NUP210L: variants seen among roughly 807,000 people sequenced by gnomAD.
NUP210L encodes nucleoporin 210 like.
Under a neutral mutation model 208.5 loss-of-function variants are expected in NUP210L, and 74 were observed. The observed-to-expected ratio is 0.35, with a 90% confidence interval of 0.29 to 0.43. The LOEUF (loss-of-function observed/expected upper bound fraction) is 0.43. Ranked by LOEUF, NUP210L falls within the 20% of genes least tolerant of loss-of-function variation. NUP210L has a pLI of 1.00. For missense variants in NUP210L, 1,843 were observed against 2,289.4 expected (o/e 0.81, Z 3.98); for synonymous variants, 780 against 816.9 (o/e 0.95, Z 0.77).
At chr1:154,089,717 G>A (rs748071595) in intron 15 of NUP210L, 123 bp from the exon 16 acceptor site, 18 of 736,664 alleles carry the variant, frequency 2.4e-5, no homozygotes, top group South Asian at 5.3e-5. Context: ...ATTATAATCC[G>A]GCAAATCCCT....
intron 3 of NUP210L, 75 bp downstream of exon 3, chr1:154,143,371 T>C: frequency 7.2e-7 from 1 of 1,380,652 alleles, no homozygotes; most frequent in Non-Finnish European, 1.0e-6. Flanking sequence ...CTCAAGTTTT[T>C]GTTTCCAAGT....
At chr1:154,042,104 C>CT (rs1316772415) in intron 27 of NUP210L, among the ~76,000 whole-genome samples, 60 of 147,196 alleles carry the variant, frequency 4.1e-4, no homozygotes, top group African/African-American at 6.7e-4. Context: ...CTCTCTCTCT[C>CT]TTTTTTTTTT....
intron 16 of NUP210L, among the ~76,000 whole-genome samples, chr1:154,082,848 G>C (rs1054168212): frequency 3.3e-5 from 5 of 151,982 alleles, no homozygotes; most frequent in African/African-American, 1.2e-4. Context: ...GTCTGGACTT[G>C]GTCATTCCTC....
intron 1 of NUP210L, among the ~76,000 whole-genome samples, chr1:154,153,435 G>A (rs546273404): frequency 9.2e-5 from 14 of 152,166 alleles, no homozygotes; most frequent in African/African-American, 1.9e-4. Context: ...TCAGCCTCTC[G>A]AGTAGCTGAG....
chr1:154,020,406 A>G (rs1651485911), intron 32 of NUP210L, among the ~76,000 whole-genome samples: 1 of 152,202 alleles, frequency 6.6e-6, no homozygotes, highest in Admixed American at 6.5e-5. Flanking sequence ...GCTGGAGTGC[A>G]GTAGTGCGAT....
In NUP210L at chr1:154,114,782, G is replaced by C. The variant is rs866622808; in HGVS notation, c.1620+2943C>G. 3.7e-3 allele frequency among the ~76,000 whole-genome samples: 563 copies of C among 150,946 alleles called. 4 individuals carry two copies. Among genetic ancestry groups the C allele is most frequent in the Admixed American group, 7.3e-3 (110 of 15,070 alleles). ...GTTAATTTTTTTTTTAAGAGATGGGGGGGGGGGTCTTGCTTTGTTGTCCAG... is the reference window on the plus strand; with the variant it reads ...GTTAATTTTTTTTTTAAGAGATGGGCGGGGGGGTCTTGCTTTGTTGTCCAG... On this transcript the variant is annotated intron_variant, in intron 12 of 39. Coordinates refer to ENST00000368559, the Ensembl canonical transcript of NUP210L.
chr1:154,124,119 G>A (rs559384114), intron 10 of NUP210L, among the ~76,000 whole-genome samples: 14 of 151,130 alleles, frequency 9.3e-5, no homozygotes, highest in East Asian at 7.8e-4. Context: ...CACAGGAGGC[G>A]GAGGTTGCAG....
intron 2 of NUP210L, among the ~76,000 whole-genome samples, chr1:154,150,681 TCG>T (rs60384450): frequency 0.4 from 56,533 of 139,858 alleles, 11,949 homozygotes; most frequent in Non-Finnish European, 0.49. Flanking sequence ...CGAGCCAAGA[TCG>T]CGCCATTGCA....
intron 37 of NUP210L, among the ~76,000 whole-genome samples, chr1:153,998,962 A>C (rs1473467427): frequency 6.6e-6 from 1 of 151,934 alleles, no homozygotes; most frequent in East Asian, 1.9e-4. Flanking sequence ...GTGATCCTCC[A>C]TCTTAGCCTC....
At chr1:154,010,734 G>A (rs891597108) in intron 34 of NUP210L, among the ~76,000 whole-genome samples, 1 of 151,932 alleles carries the variant, frequency 6.6e-6, no homozygotes, top group Non-Finnish European at 1.5e-5. Flanking sequence ...GCTGGGGGTG[G>A]TGGCTCATGC....
At chr1:154,138,026 T>G in intron 6 of NUP210L, 80 bp downstream of exon 6, 1 of 977,460 alleles carries the variant, frequency 1.0e-6, no homozygotes, top group Non-Finnish European at 1.4e-6. Context: ...ATTTTTCATA[T>G]GTAATGTGGA....
At chr1:154,025,740 G>T (rs202028168) in intron 29 of NUP210L, 24 bp from the exon 30 acceptor site, 3 of 1,602,788 alleles carry the variant, frequency 1.9e-6, no homozygotes, top group Non-Finnish European at 2.6e-6. Flanking sequence ...AAAGGAAGTG[G>T]CATCTTTTTG....
chr1:154,101,155 A>T (rs1362774502), intron 13 of NUP210L, among the ~76,000 whole-genome samples: 2 of 133,302 alleles, frequency 1.5e-5, no homozygotes, highest in African/African-American at 2.9e-5. Flanking sequence ...CTGAGCAACA[A>T]GAGTGAAACT....
chr1:154,074,750 A>G (rs1444890222), intron 16 of NUP210L, among the ~76,000 whole-genome samples: 1 of 152,080 alleles, frequency 6.6e-6, no homozygotes, highest in Non-Finnish European at 1.5e-5. Flanking sequence ...CGGCCTCCCA[A>G]AGTTCTGGGA....
At chr1:153,998,393 A>G (rs1650020788) in intron 37 of NUP210L, among the ~76,000 whole-genome samples, 1 of 151,910 alleles carries the variant, frequency 6.6e-6, no homozygotes, top group African/African-American at 2.4e-5. Flanking sequence ...TGCCTCTACT[A>G]AAAATACAAA....
chr1:154,103,645 C>G (rs1656590060), intron 13 of NUP210L, among the ~76,000 whole-genome samples: 1 of 135,352 alleles, frequency 7.4e-6, no homozygotes, highest in Non-Finnish European at 1.5e-5. Context: ...GCACTCCAGC[C>G]TGGGCGACAG....
At chr1:153,999,712 G>C (rs1650095288) in intron 37 of NUP210L, among the ~76,000 whole-genome samples, 1 of 136,456 alleles carries the variant, frequency 7.3e-6, no homozygotes, top group South Asian at 2.4e-4. Context: ...ACTCCAGCCT[G>C]GGTGACAGAG....
At chr1:154,068,656 G>A (rs547156194) in intron 17 of NUP210L, among the ~76,000 whole-genome samples, 28 of 152,194 alleles carry the variant, frequency 1.8e-4, no homozygotes, top group Non-Finnish European at 3.5e-4. Flanking sequence ...CTCCAGCCTG[G>A]GTGACAGAGC....
intron 15 of NUP210L, 62 bp from the exon 16 acceptor site, chr1:154,089,656 A>G: frequency 2.3e-6 from 3 of 1,330,194 alleles, no homozygotes; most frequent in Non-Finnish European, 3.2e-6. Flanking sequence ...AGTCATGCCA[A>G]TATAAATGTG....
Sources: gnomAD v4.1 joint callset for allele counts (sites outside exome capture counted in the v4.1 genomes callset) on GRCh38, gnomAD v4.1.1 for gene constraint, MANE v1.5 for transcripts, NCBI Gene and HGNC (gene_info 2026-07-23, HGNC 2026-07-21) for gene names.